Variants in MYSM1 observed in about 807,000 individuals in gnomAD.
The protein encoded by MYSM1 is deubiquitinase MYSM1.
A neutral mutation model predicts 116.0 loss-of-function variants in MYSM1; 51 were observed. The ratio of observed to expected loss-of-function variants is 0.44; its 90% CI spans 0.35 to 0.56. MYSM1 has a LOEUF of 0.56. Ranked by LOEUF, MYSM1 falls within the 20% of genes least tolerant of loss-of-function variation. The pLI, the probability that MYSM1 is intolerant of heterozygous loss-of-function variation, is 0.00. For missense variants in MYSM1, 900 were observed against 974.9 expected, an observed-to-expected ratio of 0.92 and a Z score of 1.02; for synonymous variants, 313 against 315.2, an observed-to-expected ratio of 0.99 and a Z score of 0.07.
In MYSM1 at chr1:58,654,825, A is replaced by G. The variant is rs1233620612; in HGVS notation, c.*5172T>C. 6.6e-6 allele frequency: 1 copy of G among 152,076 alleles called. No individual in the cohort carries two copies. Among genetic ancestry groups the G allele is most frequent in the East Asian group, 2.0e-4 (1 of 5,086 alleles). The allele number at this position is 152,076 out of a possible 1,614,324, so 9.4% of individuals were successfully genotyped here. A position where few individuals can be genotyped will look rare whatever the true frequency, so the allele number is the denominator to read the frequency against. ...GAACAAAATCCAAAAGCTTAAAATC[A>G]GATATCTTATAATGTGTCACAATTA... On this transcript the variant is annotated 3_prime_UTR_variant, in exon 20 of 20. Transcript: ENST00000472487.
chr1:58,677,588 A>G (rs1644673825), intron 8 of MYSM1, among the ~76,000 whole-genome samples: 1 of 152,156 alleles, frequency 6.6e-6, no homozygotes, highest in African/African-American at 2.4e-5. Context: ...AACAGACGTT[A>G]TAAGGGATTC....
chr1:58,668,867 T>C (rs1488828811), intron 13 of MYSM1, 117 bp downstream of exon 13: 3 of 988,552 alleles, frequency 3.0e-6, no homozygotes. Flanking sequence ...AGAAATTCTC[T>C]CTCATTTTCA....
Position 58,668,693 on chromosome 1 carries a change from A to T in MYSM1, c.1717-11T>A. ...CACCTGAAATGGCTCCTGAAATATA[A>T]AAAACAAAACAAAACGGGGGAGCAT... On this transcript the variant is annotated splice_polypyrimidine_tract_variant and intron_variant, in intron 13 of 19. Coordinates refer to ENST00000472487, the MANE Select transcript of MYSM1 (RefSeq NM_001085487.3). The T allele has an allele frequency of 6.3e-7, 1 of 1,598,506 alleles. No individual in the cohort carries two copies. The highest frequency in any genetic ancestry group is 8.5e-7 in the Non-Finnish European group (1 of 1,171,868).
In MYSM1 at chr1:58,658,450, G is replaced by A. The variant is rs1156924685; in HGVS notation, c.*1547C>T. On this transcript the variant is annotated 3_prime_UTR_variant, in exon 20 of 20. Coordinates refer to ENST00000472487, the MANE Select transcript of MYSM1 (RefSeq NM_001085487.3). ...AATTTTAGTTCTGGAAGGACATTAA[G>A]AAGTTAAGTTAGACTTCAGTTACAC... 6.6e-6 allele frequency: 1 copy of A among 152,068 alleles called. No individual in the cohort carries two copies. The highest frequency in any genetic ancestry group is 1.5e-5 in the Non-Finnish European group (1 of 68,022). The allele number at this position is 152,068 out of a possible 1,614,324, so 9.4% of individuals were successfully genotyped here.
At chr1:58,666,676 C>T (rs898952106) in intron 16 of MYSM1, among the ~76,000 whole-genome samples, 19 of 150,240 alleles carry the variant, frequency 1.3e-4, no homozygotes, top group Admixed American at 2.7e-4. Flanking sequence ...AGTTTGAGAC[C>T]AGCCTGGCTA....
chr1:58,673,470 T>C lies in MYSM1; in HGVS notation c.1572+103A>G, dbSNP rs1033353847. The C allele has an allele frequency of 4.2e-6, 4 of 959,652 alleles. No individual in the cohort carries two copies. In the South Asian group the frequency reaches 5.8e-5, roughly 14 times the overall value. The allele number at this position is 959,652 out of a possible 1,614,324, so 59.4% of individuals were successfully genotyped here. A position where few individuals can be genotyped will look rare whatever the true frequency, so the allele number is the denominator to read the frequency against. On this transcript the variant is annotated intron_variant, in intron 11 of 19. Transcript: ENST00000472487. ...ATTAACATGGGAATGAACACATACA[T>C]GTTAATGTATGAAACAAGTACAATA... is the stretch of plus-strand genomic sequence containing the variant.
rs1644808865 is a variant in MYSM1, at chr1:58,685,149, T to C, written c.498+4A>G. ...ATTAACCAGGATACTGATATTCTGC[T>C]TACCTTATTTTTAAAATACTGTCTT... On this transcript the variant is annotated splice_donor_region_variant and intron_variant, in intron 7 of 19. Transcript: ENST00000472487. The C allele has an allele frequency of 2.5e-6, 4 of 1,577,956 alleles. No homozygotes were observed. The highest frequency in any genetic ancestry group is 2.6e-6 in the Non-Finnish European group (3 of 1,165,722).
Position 58,667,854 on chromosome 1 carries a change from A to G in MYSM1, c.1835T>C (p.Val612Ala), listed in dbSNP as rs1337483308. ...TTAAAAGAGAGAACTTACTTCAACT[A>G]CTTTATCAACTTCTGAGTATCTTCC... ...LGGRYSEVDK[V>A]VEVCAAEPCN... Residue 612 changes from valine to alanine, a missense_variant, in exon 15 of 20, where the codon GTA becomes GCA. By Grantham distance (64) the Val-to-Ala change is moderately conservative. Transcript: ENST00000472487. The G allele has an allele frequency of 1.3e-6, 2 of 1,598,722 alleles. No homozygotes were observed. Among genetic ancestry groups the G allele is most frequent in the Non-Finnish European group, 8.6e-7 (1 of 1,165,990 alleles).
chr1:58,685,184 T>G lies in MYSM1; in HGVS notation c.467A>C (p.Lys156Thr). The G allele has an allele frequency of 6.2e-7, 1 of 1,607,462 alleles. No individual in the cohort carries two copies. The change falls in exon 7 of 20, where the codon AAG (lysine) becomes ACG (threonine). Residue 156 changes from lysine (K) to threonine (T), a missense_variant. Lys to Thr is a moderately conservative substitution (Grantham distance 78). Transcript: ENST00000472487. Reference sequence around the variant, plus strand: ...TTTAAAATACTGTCTTGCATAACTCTTCACTTGTAAAACAGTGCGGCTTCC... The same window carrying G: ...TTTAAAATACTGTCTTGCATAACTCGTCACTTGTAAAACAGTGCGGCTTCC... ...LIGSRTVLQV[K>T]SYARQYFKNK...
At position 58,673,631 on chromosome 1, in the gene MYSM1, A is replaced by G. The variant is rs769335750; in HGVS notation, c.1514T>C (p.Val505Ala). 6.2e-7 allele frequency: 1 copy of G among 1,613,902 alleles called. No homozygotes were observed. The highest frequency in any genetic ancestry group is 1.3e-5 in the African/African-American group (1 of 74,930). Residue 505 changes from valine to alanine, a missense_variant, in exon 11 of 20, where the codon GTC becomes GCC. Coordinates refer to ENST00000472487, the MANE Select transcript of MYSM1 (RefSeq NM_001085487.3). ...LQSMRTRRRR[V>A]RDPWGNWCDA... The stretch of plus-strand genomic sequence containing the variant: ...ACACCAGTTTCCCCATGGGTCTCGG[A>G]CCCTACGTCTCCTTGTACGCTGCGA...
intron 6 of MYSM1, among the ~76,000 whole-genome samples, chr1:58,687,967 A>ACCT (rs1644853213): frequency 6.6e-6 from 1 of 151,532 alleles, no homozygotes; most frequent in Admixed American, 6.6e-5. Flanking sequence ...TTTAACCCTC[A>ACCT]CCTCCTCTTT....
intron 11 of MYSM1, among the ~76,000 whole-genome samples, chr1:58,672,380 T>G (rs1644576640): frequency 6.6e-6 from 1 of 152,170 alleles, no homozygotes; most frequent in African/African-American, 2.4e-5. Context: ...ACTAGCTTGG[T>G]GACCCTAGGC....
Position 58,681,919 on chromosome 1 carries a change from T to G in MYSM1, c.1125A>C (p.Pro375=), listed in dbSNP as rs377759655. The G allele has an allele frequency of 4.3e-6, 7 of 1,614,016 alleles. No homozygotes were observed. In the African/African-American group the frequency reaches 6.7e-5, roughly 15 times the overall value. ...TTCTATCTATTTCTATTTCCTGTTCTGGTGGCTTAAGCTCTTCTTCCTCAT... is the reference window on the plus strand; with the variant it reads ...TTCTATCTATTTCTATTTCCTGTTCGGGTGGCTTAAGCTCTTCTTCCTCAT... ...ESHEEEELKP[P]EQEIEIDRNI... is the part of the protein sequence containing the mutation. The change falls in exon 8 of 20, where the codon CCA becomes CCC. Residue 375 remains proline, a synonymous_variant. Transcript: ENST00000472487.
In MYSM1 at chr1:58,676,924, A is replaced by G. The variant is rs769968509; in HGVS notation, c.1390+2T>C. 1 of 1,609,604 alleles carries G rather than the reference A, an allele frequency of 6.2e-7. No individual in the cohort carries two copies. Among genetic ancestry groups the G allele is most frequent in the East Asian group, 2.2e-5 (1 of 44,572 alleles). On this transcript the variant is annotated splice_donor_variant, in intron 9 of 19. Transcript: ENST00000472487. LOFTEE classifies it high-confidence loss of function. ...AAGATGTTGTTGGGTTTTTATTTTTACCACATCCAAAATTGATTGCTCCTA... is the reference window on the plus strand; with the variant it reads ...AAGATGTTGTTGGGTTTTTATTTTTGCCACATCCAAAATTGATTGCTCCTA...
intron 8 of MYSM1, among the ~76,000 whole-genome samples, 192 bp downstream of exon 8, chr1:58,681,593 A>C (rs1158197909): frequency 2.6e-5 from 4 of 152,220 alleles, no homozygotes; most frequent in Admixed American, 2.6e-4. Flanking sequence ...TGAATAGGCA[A>C]AAAGATGGGT....
chr1:58,679,844 G>A (rs1644711431), intron 8 of MYSM1, among the ~76,000 whole-genome samples: 1 of 151,542 alleles, frequency 6.6e-6, no homozygotes, highest in Non-Finnish European at 1.5e-5. Context: ...CCTGGCCAAT[G>A]TGGTGAAACC....
chr1:58,678,675 T>C (rs149890487), intron 8 of MYSM1, among the ~76,000 whole-genome samples: 136 of 152,270 alleles, frequency 8.9e-4, no homozygotes, highest in African/African-American at 3.0e-3. Flanking sequence ...GTGGTAGTAA[T>C]AAGTTCTATA....
chr1:58,682,807 T>G (rs576671935), intron 7 of MYSM1, among the ~76,000 whole-genome samples: 24 of 152,010 alleles, frequency 1.6e-4, no homozygotes, highest in African/African-American at 5.5e-4. Context: ...GCCATTCTCC[T>G]GCCTCAGCCT....
intron 8 of MYSM1, among the ~76,000 whole-genome samples, chr1:58,679,914 G>T (rs1644712667): frequency 6.6e-6 from 1 of 151,732 alleles, no homozygotes; most frequent in Non-Finnish European, 1.5e-5. Context: ...TGTAGTCCCA[G>T]CTGCATGGGA....
Sources: gnomAD v4.1 joint callset for allele counts (sites outside exome capture counted in the v4.1 genomes callset) on GRCh38, gnomAD v4.1.1 for gene constraint, MANE v1.5 for transcripts, NCBI Gene and HGNC (gene_info 2026-07-23, HGNC 2026-07-21) for gene names.